The following NEGR1 variants were observed in gnomAD, a reference collection of about 807,000 sequenced individuals.
NEGR1 encodes the protein IgLON family member 4.
In NEGR1, 10 loss-of-function variants were observed where a neutral mutation model predicts 40.9. The ratio of observed to expected loss-of-function variants is 0.24; its 90% CI spans 0.15 to 0.42. NEGR1 has a LOEUF of 0.42. NEGR1 is among the 10% of genes least tolerant of loss of function. The probability of loss-of-function intolerance (pLI) is 1.00; values close to 1 mark genes in which losing one functional copy is unlikely to be tolerated. For synonymous variants in NEGR1, 185 were observed against 166.8 expected (o/e 1.11, Z -0.84); for missense variants, 352 against 438.9 (o/e 0.80, Z 1.77).
At chr1:71,952,939 T>A (rs2100277353) in intron 1 of NEGR1, among the ~76,000 whole-genome samples, 1 of 148,534 alleles carries the variant, frequency 6.7e-6, no homozygotes. Context: ...TAAGTCATAG[T>A]TAAGACCTAC....
intron 2 of NEGR1, among the ~76,000 whole-genome samples, chr1:71,928,401 T>TATACAC (rs1418401324): frequency 4.5e-5 from 4 of 89,766 alleles, no homozygotes; most frequent in South Asian, 3.3e-4. Context: ...CATATGTATA[T>TATACAC]ATGTGTATGT....
chr1:71,636,885 T>G (rs1331744738), intron 4 of NEGR1, among the ~76,000 whole-genome samples: 1 of 152,052 alleles, frequency 6.6e-6, no homozygotes, highest in Non-Finnish European at 1.5e-5. Flanking sequence ...GGTACTGTTT[T>G]GATAATATTA....
chr1:71,476,445 G>A (rs1646821416), intron 6 of NEGR1, among the ~76,000 whole-genome samples: 1 of 152,104 alleles, frequency 6.6e-6, no homozygotes, highest in Non-Finnish European at 1.5e-5. Context: ...AGGTAATCTT[G>A]AAGTCCTGGA....
At chr1:72,068,310 C>T (rs538362427) in intron 1 of NEGR1, among the ~76,000 whole-genome samples, 12 of 152,224 alleles carry the variant, frequency 7.9e-5, no homozygotes, top group African/African-American at 2.4e-4. Context: ...CTGGCATTGT[C>T]CCATGAGAGG....
At chr1:71,859,460 G>C (rs935411901) in intron 2 of NEGR1, among the ~76,000 whole-genome samples, 4 of 151,836 alleles carry the variant, frequency 2.6e-5, no homozygotes, top group Admixed American at 2.6e-4. Context: ...CTAATTTCTA[G>C]CATCTAACCC....
At chr1:71,855,159 T>C (rs1386463431) in intron 2 of NEGR1, among the ~76,000 whole-genome samples, 3 of 152,082 alleles carry the variant, frequency 2.0e-5, no homozygotes, top group Admixed American at 2.0e-4. Context: ...TTGCCCAAAG[T>C]CCTTCTAGAA....
intron 1 of NEGR1, among the ~76,000 whole-genome samples, chr1:72,103,874 AGATT>A (rs1649034390): frequency 6.6e-6 from 1 of 152,148 alleles, no homozygotes; most frequent in Non-Finnish European, 1.5e-5. Flanking sequence ...TGGATCGAGT[AGATT>A]ATTATAGGTC....
At chr1:72,053,633 T>C (rs995368211) in intron 1 of NEGR1, among the ~76,000 whole-genome samples, 3 of 151,142 alleles carry the variant, frequency 2.0e-5, no homozygotes, top group African/African-American at 7.3e-5. Flanking sequence ...TAATTAACAT[T>C]AAACTCAAAG....
chr1:71,704,273 T>G (rs1653812639), intron 3 of NEGR1, among the ~76,000 whole-genome samples: 1 of 149,694 alleles, frequency 6.7e-6, no homozygotes, highest in Admixed American at 6.7e-5. Context: ...AAAGCTAAAG[T>G]AAACAGAGCT....
intron 1 of NEGR1, among the ~76,000 whole-genome samples, chr1:72,095,291 G>T (rs560254018): frequency 3.5e-4 from 53 of 152,032 alleles, no homozygotes; most frequent in African/African-American, 1.2e-3. Context: ...AAATCTAAAA[G>T]GATACATATT....
chr1:72,167,140 C>G (rs1407970013), intron 1 of NEGR1, among the ~76,000 whole-genome samples: 1 of 152,022 alleles, frequency 6.6e-6, no homozygotes, highest in Non-Finnish European at 1.5e-5. Flanking sequence ...AATCTTAAAA[C>G]AAGATGCTGT....
intron 2 of NEGR1, among the ~76,000 whole-genome samples, chr1:71,847,352 A>T (rs533457106): frequency 6.6e-6 from 1 of 152,278 alleles, no homozygotes; most frequent in South Asian, 2.1e-4. Flanking sequence ...CAGATAATGC[A>T]TTTGTTACAA....
chr1:71,480,528 G>T (rs1002138654), intron 6 of NEGR1, among the ~76,000 whole-genome samples: 2 of 151,606 alleles, frequency 1.3e-5, no homozygotes, highest in Admixed American at 6.6e-5. Flanking sequence ...CTCCATGAGG[G>T]CATGGATCTT....
chr1:72,111,712 G>A (rs1292406815), intron 1 of NEGR1, among the ~76,000 whole-genome samples: 1 of 151,694 alleles, frequency 6.6e-6, no homozygotes, highest in Non-Finnish European at 1.5e-5. Context: ...ATAGTTTGCA[G>A]TCATGGAAAC....
At chr1:71,488,334 T>C (rs1517756) in intron 6 of NEGR1, among the ~76,000 whole-genome samples, 3,494 of 151,948 alleles carry the variant, frequency 0.023, 54 homozygotes, top group Middle Eastern at 0.041. Context: ...GAGCTAATTC[T>C]GGTTAGCCTA....
At chr1:71,715,473 AC>A (rs1239158968) in intron 3 of NEGR1, among the ~76,000 whole-genome samples, 1 of 152,166 alleles carries the variant, frequency 6.6e-6, no homozygotes, top group East Asian at 1.9e-4. Context: ...AATTTCCCAA[AC>A]TTTTATGCTC....
chr1:72,265,839 TTTA>T (rs1407337963), intron 1 of NEGR1, among the ~76,000 whole-genome samples: 1 of 150,740 alleles, frequency 6.6e-6, no homozygotes. Flanking sequence ...AACTCTGAAG[TTTA>T]TTTGATTAGT....
At chr1:72,220,694 T>A (rs1297979073) in intron 1 of NEGR1, among the ~76,000 whole-genome samples, 5 of 152,020 alleles carry the variant, frequency 3.3e-5, no homozygotes, top group Non-Finnish European at 7.4e-5. Context: ...ATAAGGGATA[T>A]TAAATAATAA....
intron 2 of NEGR1, among the ~76,000 whole-genome samples, chr1:71,867,242 C>T (rs890290403): frequency 6.6e-6 from 1 of 152,020 alleles, no homozygotes; most frequent in South Asian, 2.1e-4. Context: ...GGTGTGGTGG[C>T]CCGTGCCTAT....
Sources: gnomAD v4.1 joint callset for allele counts (sites outside exome capture counted in the v4.1 genomes callset) on GRCh38, gnomAD v4.1.1 for gene constraint, MANE v1.5 for transcripts, NCBI Gene and HGNC (gene_info 2026-07-23, HGNC 2026-07-21) for gene names.